The following LDB2 variants were observed in gnomAD, a reference collection of about 807,000 sequenced individuals.
LDB2 encodes LIM domain binding 2, also known as LIM domain-binding protein 2.
LDB2 carries 12 observed loss-of-function variants against 44.3 expected under a neutral mutation model. The observed-to-expected ratio is 0.27, with a 90% CI of 0.17 to 0.44. The LOEUF is 0.44. LDB2 is among the 20% of genes least tolerant of loss of function. The probability of loss-of-function intolerance (pLI) is 1.00; values close to 1 mark genes in which losing one functional copy is unlikely to be tolerated. For synonymous variants in LDB2, 164 were observed against 174.8 expected, an observed-to-expected ratio of 0.94 and a Z score of 0.49; for missense variants, 344 against 473.5, an observed-to-expected ratio of 0.73 and a Z score of 2.54.
chr4:16,663,891 C>T (rs1469841524), intron 2 of LDB2, among the ~76,000 whole-genome samples: 1 of 152,108 alleles, frequency 6.6e-6, no homozygotes, highest in African/African-American at 2.4e-5. Context: ...GCACAATTTC[C>T]TCTAGTGACA....
chr4:16,562,433 G>T (rs1742733519), intron 5 of LDB2, among the ~76,000 whole-genome samples: 1 of 152,184 alleles, frequency 6.6e-6, no homozygotes, highest in African/African-American at 2.4e-5. Flanking sequence ...CTCAAAAGAA[G>T]ACATTTATCC....
rs1335811321 is a variant in LDB2 at position 16,766,466 on chromosome 4, ATATGTGTGTGTGTG to A, written c.133-7220_133-7207del. ...TGTGTGTATATATATACACACACAT[ATATGTGTGTGTGTG>A]TGTGTGTGTGTGTGTGTGTGTGTGT... On this transcript the variant is annotated intron_variant, in intron 1 of 7. Transcript: ENST00000304523. Among the ~76,000 whole-genome samples, 36 of 61,216 alleles carry A rather than the reference ATATGTGTGTGTGTG, an allele frequency of 5.9e-4. No individual in the cohort carries two copies. The South Asian group carries it at 7.7e-3, about 13-fold the overall frequency. The allele number at this position is 61,216 out of a possible 152,430, so 40.2% of individuals were successfully genotyped here.
intron 2 of LDB2, among the ~76,000 whole-genome samples, chr4:16,734,703 CTTTTTT>C (rs539507998): frequency 0.15 from 19,393 of 129,190 alleles, 1,438 homozygotes; most frequent in African/African-American, 0.21. Context: ...TTCTTGTTTT[CTTTTTT>C]TTTTTTTTTT....
chr4:16,732,606 T>C (rs562317636), intron 2 of LDB2, among the ~76,000 whole-genome samples: 3 of 152,320 alleles, frequency 2.0e-5, no homozygotes, highest in Admixed American at 2.0e-4. Context: ...GGCAAACTCA[T>C]TACCATCCAC....
intron 2 of LDB2, among the ~76,000 whole-genome samples, chr4:16,741,905 C>T (rs556865474): frequency 6.6e-6 from 1 of 152,078 alleles, no homozygotes; most frequent in Admixed American, 6.5e-5. Context: ...ATATTTTAAA[C>T]CTTATGAGGT....
At chr4:16,705,566 G>A (rs1194408137) in intron 2 of LDB2, among the ~76,000 whole-genome samples, 9 of 152,274 alleles carry the variant, frequency 5.9e-5, no homozygotes, top group East Asian at 3.9e-4. Context: ...GCCTGCCTGC[G>A]CTTAGTACAG....
chr4:16,759,282 A>G, intron 1 of LDB2, 22 bp from the exon 2 acceptor site: 2 of 1,510,154 alleles, frequency 1.3e-6, no homozygotes, highest in African/African-American at 1.4e-5. Flanking sequence ...CAGATCATTT[A>G]TTTAACAAGG....
At chr4:16,570,171 A>G (rs1745895256) in intron 5 of LDB2, among the ~76,000 whole-genome samples, 1 of 152,022 alleles carries the variant, frequency 6.6e-6, no homozygotes, top group South Asian at 2.1e-4. Flanking sequence ...TGCTTTCAAA[A>G]AGTTTACATC....
intron 1 of LDB2, among the ~76,000 whole-genome samples, chr4:16,836,683 A>G (rs564250190): frequency 6.6e-6 from 1 of 152,238 alleles, no homozygotes; most frequent in East Asian, 1.9e-4. Flanking sequence ...CAAATCATTC[A>G]TGCCCACCAT....
At chr4:16,539,915 AC>A (rs1453383239) in intron 5 of LDB2, among the ~76,000 whole-genome samples, 1 of 152,156 alleles carries the variant, frequency 6.6e-6, no homozygotes, top group Non-Finnish European at 1.5e-5. Flanking sequence ...ATAAAGGACT[AC>A]CTGAGACTGG....
At chr4:16,550,722 G>A (rs1007647714) in intron 5 of LDB2, among the ~76,000 whole-genome samples, 9 of 152,194 alleles carry the variant, frequency 5.9e-5, no homozygotes, top group African/African-American at 1.4e-4. Flanking sequence ...TCAGATGCAC[G>A]TGGCATTTTG....
At chr4:16,731,515 CCT>C (rs1222128783) in intron 2 of LDB2, among the ~76,000 whole-genome samples, 21 of 152,028 alleles carry the variant, frequency 1.4e-4, no homozygotes, top group Admixed American at 1.4e-3. Context: ...TTGCGTTCTC[CCT>C]CTCTCTCCGC....
Position 16,548,791 on chromosome 4 carries a change from G to A in LDB2, c.616-36687C>T, listed in dbSNP as rs78395144. On this transcript the variant is annotated intron_variant, in intron 5 of 7. Coordinates refer to ENST00000304523, the MANE Select transcript of LDB2 (RefSeq NM_001290.5). ...CACTCACTATTTATATTCCAACAAA[G>A]CACAACACCCTACAGTCTGCTGACT... Among the ~76,000 whole-genome samples, 497 of 152,288 alleles carry A rather than the reference G, an allele frequency of 3.3e-3. 5 individuals carry two copies. The highest frequency in any genetic ancestry group is 0.011 in the African/African-American group (460 of 41,554).
chr4:16,891,147 A>G (rs1723234761), intron 1 of LDB2, among the ~76,000 whole-genome samples: 1 of 152,076 alleles, frequency 6.6e-6, no homozygotes. Flanking sequence ...TTAAAACAAT[A>G]AAAACACTAT....
chr4:16,739,674 ATG>A (rs201116828), intron 2 of LDB2, among the ~76,000 whole-genome samples: 2,271 of 84,218 alleles, frequency 0.027, 618 homozygotes, highest in Non-Finnish European at 0.04. Flanking sequence ...ATATATACAT[ATG>A]TGTGTATATA....
chr4:16,535,127 C>A (rs1003431650), intron 5 of LDB2, among the ~76,000 whole-genome samples: 1 of 152,116 alleles, frequency 6.6e-6, no homozygotes. Context: ...GCTGTGATTG[C>A]GTGAGAGAAG....
intron 5 of LDB2, among the ~76,000 whole-genome samples, chr4:16,552,924 C>T (rs1738175453): frequency 6.6e-6 from 1 of 152,160 alleles, no homozygotes; most frequent in African/African-American, 2.4e-5. Flanking sequence ...GGGCAGGTTG[C>T]AGCCAGAAGG....
intron 1 of LDB2, among the ~76,000 whole-genome samples, chr4:16,831,526 G>A (rs1006375634): frequency 6.6e-6 from 1 of 152,132 alleles, no homozygotes; most frequent in Non-Finnish European, 1.5e-5. Flanking sequence ...TGGTGGCTTT[G>A]AAGAAGGCAG....
rs1450283071 is a variant in LDB2, at chr4:16,614,369, C to T, written c.236-18494G>A. Reference sequence around the variant, plus strand: ...AGGACATAAGCATGGGCAAAGACTTCATGACAAAAATGCCAAAAGCAATTG... The same window carrying T: ...AGGACATAAGCATGGGCAAAGACTTTATGACAAAAATGCCAAAAGCAATTG... On this transcript the variant is annotated intron_variant, in intron 2 of 7. Coordinates refer to ENST00000304523, the MANE Select transcript of LDB2 (RefSeq NM_001290.5). Among the ~76,000 whole-genome samples, 3 of 152,084 alleles carry T rather than the reference C, an allele frequency of 2.0e-5. No homozygotes were observed. In the East Asian group the frequency reaches 5.8e-4, roughly 29 times the overall value.
Sources: gnomAD v4.1 joint callset for allele counts (sites outside exome capture counted in the v4.1 genomes callset) on GRCh38, gnomAD v4.1.1 for gene constraint, MANE v1.5 for transcripts, NCBI Gene and HGNC (gene_info 2026-07-23, HGNC 2026-07-21) for gene names.